The following EYS variants were observed in gnomAD, a reference collection of about 807,000 sequenced individuals.
EYS encodes protein eyes shut homolog.
In EYS, 250 loss-of-function variants were observed where a neutral mutation model predicts 282.1. The observed-to-expected ratio is 0.89, with a 90% CI of 0.80 to 0.98. The LOEUF (loss-of-function observed/expected upper bound fraction) is 0.98, where lower values mean the gene tolerates loss of function less well. EYS is among the 50% of genes least tolerant of loss of function. EYS has a pLI of 0.00. For missense variants in EYS, 4,016 were observed against 3,709.0 expected, an observed-to-expected ratio of 1.08 and a Z score of -2.15; for synonymous variants, 1,355 against 1,282.9, an observed-to-expected ratio of 1.06 and a Z score of -1.20.
chr6:63,944,754 C>T (rs1053140580), intron 35 of EYS, among the ~76,000 whole-genome samples: 6 of 151,828 alleles, frequency 4.0e-5, no homozygotes, highest in Middle Eastern at 3.4e-3. Context: ...GGCAAAACCC[C>T]GTCTCTACTA....
chr6:65,089,961 T>TA (rs1774504968), intron 12 of EYS, among the ~76,000 whole-genome samples: 1 of 113,430 alleles, frequency 8.8e-6, no homozygotes. Context: ...AAAAAAAAAA[T>TA]TATATATATA....
At chr6:65,465,872 T>C (rs1764980527) in intron 5 of EYS, among the ~76,000 whole-genome samples, 3 of 152,042 alleles carry the variant, frequency 2.0e-5, no homozygotes, top group Non-Finnish European at 4.4e-5. Context: ...CTCATGAGGT[T>C]GTGGTGGGAG....
intron 41 of EYS, among the ~76,000 whole-genome samples, chr6:63,760,205 TTAAAC>T (rs1357836679): frequency 1.3e-5 from 2 of 152,030 alleles, no homozygotes; most frequent in African/African-American, 4.8e-5. Flanking sequence ...AATTTAGTAT[TTAAAC>T]TAGTCCATGA....
chr6:63,876,131 A>G (rs973644255), intron 35 of EYS, among the ~76,000 whole-genome samples: 4 of 152,198 alleles, frequency 2.6e-5, no homozygotes, highest in Non-Finnish European at 4.4e-5. Context: ...TTCCCTCTAC[A>G]TACTGCTTTA....
At chr6:64,171,158 T>C (rs1250421879) in intron 31 of EYS, among the ~76,000 whole-genome samples, 8 of 152,230 alleles carry the variant, frequency 5.3e-5, no homozygotes, top group Admixed American at 4.6e-4. Flanking sequence ...AAACATTTTA[T>C]GGTACTGTTA....
chr6:64,309,233 TTTAAA>T lies in EYS; in HGVS notation c.6079-2156_6079-2152del, dbSNP rs558602797. 1.5e-4 allele frequency among the ~76,000 whole-genome samples: 23 copies of T among 152,268 alleles called. No homozygotes were observed. The South Asian group carries it at 4.8e-3, about 31-fold the overall frequency. On this transcript the variant is annotated intron_variant, in intron 29 of 42. Transcript: ENST00000503581. ...ATAAAAAAAGGGGAAACTGATAATG[TTTAAA>T]TTAATATAAACACATTAAAGAGCCA...
intron 12 of EYS, among the ~76,000 whole-genome samples, chr6:65,141,749 T>G (rs568084876): frequency 9.7e-4 from 140 of 144,312 alleles, no homozygotes; most frequent in African/African-American, 3.4e-3. Flanking sequence ...TGACAGCATA[T>G]TTCTCATCAG....
chr6:65,208,273 G>A (rs1228548413), intron 12 of EYS, among the ~76,000 whole-genome samples: 4 of 151,750 alleles, frequency 2.6e-5, no homozygotes, highest in African/African-American at 9.7e-5. Flanking sequence ...CAGTCAGAAT[G>A]GGTATTATTA....
intron 35 of EYS, among the ~76,000 whole-genome samples, chr6:63,898,131 A>G (rs1188925282): frequency 6.6e-6 from 1 of 152,188 alleles, no homozygotes; most frequent in Non-Finnish European, 1.5e-5. Flanking sequence ...TGTCCCTAAT[A>G]ACGATTTCTG....
intron 2 of EYS, among the ~76,000 whole-genome samples, chr6:65,637,080 A>ATTAAAGGCTAAGCTTAAAGGCC (rs1312817950): frequency 6.6e-6 from 1 of 152,220 alleles, no homozygotes; most frequent in Non-Finnish European, 1.5e-5. Context: ...TGCGTCTAAG[A>ATTAAAGGCTAAGCTTAAAGGCC]TTAAAGGCTA....
intron 28 of EYS, among the ~76,000 whole-genome samples, chr6:64,405,137 C>T (rs552900207): frequency 1.3e-5 from 2 of 152,186 alleles, no homozygotes; most frequent in South Asian, 2.1e-4. Flanking sequence ...ATGCTCTCCC[C>T]GACTATTCCC....
chr6:64,664,869 G>C (rs544966425), intron 22 of EYS, among the ~76,000 whole-genome samples: 1 of 152,096 alleles, frequency 6.6e-6, no homozygotes, highest in Non-Finnish European at 1.5e-5. Context: ...TTTACAAGCC[G>C]TCCAGTTTAA....
At chr6:64,600,329 C>A (rs80233024) in intron 24 of EYS, among the ~76,000 whole-genome samples, 1 of 151,886 alleles carries the variant, frequency 6.6e-6, no homozygotes, top group Admixed American at 6.6e-5. Flanking sequence ...GGATATTTCT[C>A]TATGTGGTTA....
Position 63,969,355 on chromosome 6 carries a change from G to A in EYS, c.7055+15028C>T, listed in dbSNP as rs12174976. ...AAAAATCTTAGAAACCAGATTTAAA[G>A]TATTCCTAACCCGGCTTTTATGAAT... On this transcript the variant is annotated intron_variant, in intron 35 of 42. Coordinates refer to ENST00000503581, the MANE Select transcript of EYS (RefSeq NM_001142800.2). 1.5e-3 allele frequency among the ~76,000 whole-genome samples: 225 copies of A among 152,276 alleles called. 12 individuals are homozygous for A. The East Asian group carries it at 0.041, about 28-fold the overall frequency.
At chr6:64,209,959 C>T (rs1178164593) in intron 31 of EYS, among the ~76,000 whole-genome samples, 1 of 152,118 alleles carries the variant, frequency 6.6e-6, no homozygotes, top group Non-Finnish European at 1.5e-5. Flanking sequence ...GGTATTTCTA[C>T]TCTAGTTTAT....
intron 15 of EYS, among the ~76,000 whole-genome samples, chr6:64,913,302 A>T (rs1768059062): frequency 6.6e-6 from 1 of 152,086 alleles, no homozygotes; most frequent in African/African-American, 2.4e-5. Flanking sequence ...CAGGTTTGTA[A>T]CACAGATACA....
At chr6:64,087,062 T>G (rs1002120800) in intron 31 of EYS, among the ~76,000 whole-genome samples, 8 of 151,990 alleles carry the variant, frequency 5.3e-5, no homozygotes, top group African/African-American at 1.9e-4. Flanking sequence ...TAGAGGAAAA[T>G]GGTTAAGTTT....
rs530390268 is a variant in EYS at position 64,411,208 on chromosome 6, T to A, written c.5928-22368A>T. 2.0e-5 allele frequency among the ~76,000 whole-genome samples: 3 copies of A among 152,166 alleles called. No homozygotes were observed. The East Asian group carries it at 5.8e-4, about 29-fold the overall frequency. Reference sequence around the variant, plus strand: ...AAAAATTAACCTGACCATTCACAAATTATAAAATAATGGTTTATATTAGAA... The same window carrying A: ...AAAAATTAACCTGACCATTCACAAAATATAAAATAATGGTTTATATTAGAA... On this transcript the variant is annotated intron_variant, in intron 28 of 42. Coordinates refer to ENST00000503581, the MANE Select transcript of EYS (RefSeq NM_001142800.2).
intron 28 of EYS, among the ~76,000 whole-genome samples, chr6:64,404,848 G>A (rs547151097): frequency 1.1e-4 from 17 of 152,240 alleles, no homozygotes; most frequent in South Asian, 1.0e-3. Context: ...GGGGCAGAAC[G>A]TAAGAAGGCA....
Sources: gnomAD v4.1 joint callset for allele counts (sites outside exome capture counted in the v4.1 genomes callset) on GRCh38, gnomAD v4.1.1 for gene constraint, MANE v1.5 for transcripts, NCBI Gene and HGNC (gene_info 2026-07-23, HGNC 2026-07-21) for gene names.